PTPN1: variants seen among roughly 807,000 people sequenced by gnomAD.
The protein encoded by PTPN1 is protein tyrosine phosphatase non-receptor type 1, also known as tyrosine-protein phosphatase non-receptor type 1.
A neutral mutation model predicts 59.9 loss-of-function variants in PTPN1; 12 were observed. The observed-to-expected ratio is 0.20, with a 90% confidence interval of 0.13 to 0.32. The LOEUF (loss-of-function observed/expected upper bound fraction) is 0.32, where lower values mean the gene tolerates loss of function less well. PTPN1 is among the 10% of genes least tolerant of loss of function. The probability of loss-of-function intolerance (pLI) is 1.00; values close to 1 mark genes in which losing one functional copy is unlikely to be tolerated. For missense variants in PTPN1, 356 were observed against 549.2 expected (o/e 0.65, Z 3.52); for synonymous variants, 178 against 203.6 (o/e 0.87, Z 1.07).
chr20:50,541,188 C>T (rs980098507), intron 1 of PTPN1, among the ~76,000 whole-genome samples: 1 of 152,282 alleles, frequency 6.6e-6, no homozygotes, highest in Middle Eastern at 3.4e-3. Context: ...GCCCCATGAG[C>T]CTTCTGTTAA....
chr20:50,546,944 A>C (rs1191268174), intron 1 of PTPN1, among the ~76,000 whole-genome samples: 2 of 152,250 alleles, frequency 1.3e-5, no homozygotes, highest in Non-Finnish European at 2.9e-5. Context: ...TTAAGCTGTC[A>C]TTATGGAAAG....
At chr20:50,574,945 G>A (rs889482344) in intron 5 of PTPN1, 4 of 336,346 alleles carry the variant, frequency 1.2e-5, no homozygotes, top group African/African-American at 6.5e-5. Context: ...AGCTGCAGAG[G>A]GACTGGAGCG....
At chr20:50,576,517 C>T (rs1034677209) in intron 5 of PTPN1, among the ~76,000 whole-genome samples, 6 of 152,270 alleles carry the variant, frequency 3.9e-5, no homozygotes, top group Middle Eastern at 6.8e-3. Flanking sequence ...TAACCCACAC[C>T]TTCAAGGATT....
intron 1 of PTPN1, among the ~76,000 whole-genome samples, chr20:50,520,858 G>A (rs1227986856): frequency 6.6e-6 from 1 of 152,108 alleles, no homozygotes; most frequent in Admixed American, 6.6e-5. Flanking sequence ...TTGCATACAG[G>A]ATCTGTAAAA....
chr20:50,580,187 G>A (rs935830270), intron 8 of PTPN1, among the ~76,000 whole-genome samples: 5 of 152,068 alleles, frequency 3.3e-5, no homozygotes, highest in African/African-American at 1.2e-4. Context: ...TGGAATGAGG[G>A]GCTCGGAGCC....
At chr20:50,547,892 A>G (rs1461092620) in intron 1 of PTPN1, among the ~76,000 whole-genome samples, 5 of 152,176 alleles carry the variant, frequency 3.3e-5, no homozygotes, top group Non-Finnish European at 7.4e-5. Context: ...ATCAATGACA[A>G]TGGTCCCTTT....
intron 1 of PTPN1, among the ~76,000 whole-genome samples, chr20:50,538,109 C>T (rs2082632191): frequency 6.6e-6 from 1 of 151,732 alleles, no homozygotes; most frequent in African/African-American, 2.4e-5. Flanking sequence ...CATAGGTGGT[C>T]AGTTGATTTA....
chr20:50,531,680 A>G (rs1336102497), intron 1 of PTPN1, among the ~76,000 whole-genome samples: 2 of 152,098 alleles, frequency 1.3e-5, no homozygotes, highest in African/African-American at 4.8e-5. Context: ...CCTGGCAGGG[A>G]GTCTTATAGA....
At chr20:50,554,647 CAT>C (rs201973673) in intron 1 of PTPN1, among the ~76,000 whole-genome samples, 3,550 of 151,724 alleles carry the variant, frequency 0.023, 121 homozygotes, top group African/African-American at 0.078. Flanking sequence ...ATATTTATAA[CAT>C]AGAAATAAAA....
intron 1 of PTPN1, 88 bp from the exon 2 acceptor site, chr20:50,561,275 A>G (rs2082751278): frequency 2.0e-6 from 2 of 1,011,138 alleles, no homozygotes; most frequent in South Asian, 3.1e-5. Flanking sequence ...CATTTCCCAT[A>G]TTGCCCGGCT....
chr20:50,553,077 A>G (rs1299694748), intron 1 of PTPN1, among the ~76,000 whole-genome samples: 1 of 151,964 alleles, frequency 6.6e-6, no homozygotes, highest in African/African-American at 2.4e-5. Flanking sequence ...CATAGAAGGT[A>G]AATTCTATAA....
intron 1 of PTPN1, among the ~76,000 whole-genome samples, chr20:50,526,515 A>G (rs1250959766): frequency 2.0e-5 from 3 of 152,110 alleles, no homozygotes; most frequent in Non-Finnish European, 4.4e-5. Context: ...CCCACCCAGC[A>G]TCATCACCTC....
intron 2 of PTPN1, chr20:50,562,879 G>A (rs951871159): frequency 6.6e-6 from 1 of 152,156 alleles, no homozygotes; most frequent in African/African-American, 2.4e-5. Context: ...TTTTGCTATA[G>A]TTGCTCTAAT....
intron 1 of PTPN1, among the ~76,000 whole-genome samples, chr20:50,540,815 C>G (rs1026667631): frequency 6.6e-6 from 1 of 152,298 alleles, no homozygotes; most frequent in East Asian, 1.9e-4. Flanking sequence ...GTGCTTGCCA[C>G]CCCTGCCTGA....
intron 1 of PTPN1, among the ~76,000 whole-genome samples, chr20:50,548,464 C>T (rs2122760765): frequency 6.6e-6 from 1 of 151,726 alleles, no homozygotes; most frequent in African/African-American, 2.4e-5. Context: ...TCTTACTCTG[C>T]CACCAGGCCG....
chr20:50,578,669 C>T (rs747296901), intron 6 of PTPN1, 40 bp downstream of exon 6: 3 of 1,542,940 alleles, frequency 1.9e-6, no homozygotes, highest in South Asian at 2.3e-5. Flanking sequence ...AGCTCCTCTA[C>T]CTGCTCTGCT....
chr20:50,550,171 A>G (rs1231675271), intron 1 of PTPN1, among the ~76,000 whole-genome samples: 1 of 152,130 alleles, frequency 6.6e-6, no homozygotes. Flanking sequence ...TGCCTTTACT[A>G]TATTTCTGCA....
intron 6 of PTPN1, 145 bp downstream of exon 6, chr20:50,578,774 T>A (rs1412733455): frequency 6.4e-5 from 45 of 705,842 alleles, no homozygotes; most frequent in Non-Finnish European, 1.2e-5. Context: ...AATAAAGGCG[T>A]ACCTGAGACT....
In PTPN1 at chr20:50,583,070, G is replaced by GCC. The variant is rs59130701; in HGVS notation, c.*362_*363dup. ...ATCCCAGGCGGGCGGCACGCCAACAGCCCCCCCCTTGAATCTGCAGGGAGC... is the reference window on the plus strand; with the variant it reads ...ATCCCAGGCGGGCGGCACGCCAACAGCCCCCCCCCCTTGAATCTGCAGGGAGC... On this transcript the variant is annotated 3_prime_UTR_variant, in exon 10 of 10. Coordinates refer to ENST00000371621, the MANE Select transcript of PTPN1 (RefSeq NM_002827.4). 6.6e-6 allele frequency: 2 copies of GCC among 301,520 alleles called. No individual in the cohort carries two copies. Among genetic ancestry groups the GCC allele is most frequent in the Non-Finnish European group, 1.2e-5 (2 of 162,140 alleles). 18.7% of individuals were successfully genotyped at this position (301,520 alleles called of 1,614,324 possible). A position where few individuals can be genotyped will look rare whatever the true frequency, so the allele number is the denominator to read the frequency against.
Sources: gnomAD v4.1 joint callset for allele counts (sites outside exome capture counted in the v4.1 genomes callset) on GRCh38, gnomAD v4.1.1 for gene constraint, MANE v1.5 for transcripts, NCBI Gene and HGNC (gene_info 2026-07-23, HGNC 2026-07-21) for gene names.